PTPRM: variants seen among roughly 807,000 people sequenced by gnomAD.
PTPRM encodes the protein receptor-type tyrosine-protein phosphatase mu.
A neutral mutation model predicts 186.7 loss-of-function variants in PTPRM; 47 were observed. The ratio of observed to expected loss-of-function variants is 0.25; its 90% CI spans 0.20 to 0.32. PTPRM has a LOEUF of 0.32. PTPRM is among the 10% of genes least tolerant of loss of function. The pLI is 1.00. For synonymous variants in PTPRM, 668 were observed against 674.9 expected, an observed-to-expected ratio of 0.99 and a Z score of 0.16; for missense variants, 1,494 against 1,865.0, an observed-to-expected ratio of 0.80 and a Z score of 3.66.
At chr18:8,113,871 T>TA in intron 12 of PTPRM, 112 bp downstream of exon 12, 1 of 1,098,804 alleles carries the variant, frequency 9.1e-7, no homozygotes, top group East Asian at 2.5e-5. Context: ...TTTCTACTTG[T>TA]AAACAAATGT....
At chr18:8,393,858 G>A (rs1257346519) in intron 31 of PTPRM, among the ~76,000 whole-genome samples, 2 of 152,022 alleles carry the variant, frequency 1.3e-5, no homozygotes, top group Non-Finnish European at 2.9e-5. Flanking sequence ...GCACAATCTC[G>A]GCTCACTGCA....
At chr18:7,771,735 T>G (rs1434792723) in intron 1 of PTPRM, among the ~76,000 whole-genome samples, 3 of 152,218 alleles carry the variant, frequency 2.0e-5, no homozygotes, top group African/African-American at 7.2e-5. Flanking sequence ...GCTATCCTGT[T>G]TAACATTGTT....
chr18:7,810,977 G>A (rs1440489156), intron 2 of PTPRM, among the ~76,000 whole-genome samples: 1 of 152,060 alleles, frequency 6.6e-6, no homozygotes, highest in Non-Finnish European at 1.5e-5. Flanking sequence ...TTTTCTGAAC[G>A]ATTGAATACT....
intron 4 of PTPRM, among the ~76,000 whole-genome samples, chr18:7,915,618 A>G (rs2050511088): frequency 6.6e-6 from 1 of 152,168 alleles, no homozygotes; most frequent in Non-Finnish European, 1.5e-5. Flanking sequence ...CAACTTGTTT[A>G]TTCTTTATAT....
At chr18:8,323,995 T>C (rs76592903) in intron 22 of PTPRM, among the ~76,000 whole-genome samples, 4,463 of 152,232 alleles carry the variant, frequency 0.029, 225 homozygotes, top group African/African-American at 0.1. Context: ...GTTATGAACT[T>C]TACTTTGGTC....
intron 7 of PTPRM, among the ~76,000 whole-genome samples, chr18:8,045,504 C>T (rs1164145813): frequency 6.6e-6 from 1 of 152,190 alleles, no homozygotes; most frequent in Non-Finnish European, 1.5e-5. Context: ...GTGAAGTCTG[C>T]TACATGCTAC....
chr18:8,378,326 T>C lies in PTPRM; in HGVS notation c.3524T>C (p.Val1175Ala), dbSNP rs745928508. ...LEACLCGDTS[V>A]PASQVRSLYY... is the part of the protein sequence containing the mutation. ...GCCTGTCTTTGTGGGGACACCTCTG[T>C]GCCTGCTTCCCAAGTTAGGTCTCTG... The change falls in exon 27 of 33, where the codon GTG (valine) becomes GCG (alanine). Residue 1175 changes from valine to alanine, a missense_variant. By Grantham distance (64) the Val-to-Ala change is moderately conservative. Around this residue, in one of 3 missense-constraint regions of PTPRM, gnomAD observed 1,107 missense variants for 1,350.2 expected, o/e 0.82. Coordinates refer to ENST00000580170, the MANE Select transcript of PTPRM (RefSeq NM_001105244.2). 4 of 1,613,218 alleles carry C rather than the reference T, an allele frequency of 2.5e-6. No homozygotes were observed. The South Asian group carries it at 3.3e-5, about 13-fold the overall frequency.
intron 14 of PTPRM, among the ~76,000 whole-genome samples, chr18:8,172,709 A>AG (rs1491219851): frequency 5.6e-4 from 82 of 147,352 alleles, no homozygotes; most frequent in Non-Finnish European, 1.0e-3. Flanking sequence ...AAAAAAAAAA[A>AG]GAAAAAAAAA....
At chr18:7,783,609 T>C (rs927845352) in intron 2 of PTPRM, among the ~76,000 whole-genome samples, 2 of 152,174 alleles carry the variant, frequency 1.3e-5, no homozygotes, top group Admixed American at 1.3e-4. Flanking sequence ...TCTTGCTTTG[T>C]TGCCTGTGTT....
intron 7 of PTPRM, among the ~76,000 whole-genome samples, chr18:8,029,108 G>T (rs796864498): frequency 1.3e-5 from 2 of 152,122 alleles, no homozygotes; most frequent in Admixed American, 6.5e-5. Context: ...ATTCATATGG[G>T]TTCTCTCACC....
chr18:7,778,249 TA>T (rs1340267001), intron 2 of PTPRM, among the ~76,000 whole-genome samples: 1 of 152,126 alleles, frequency 6.6e-6, no homozygotes, highest in Non-Finnish European at 1.5e-5. Context: ...AATACATATT[TA>T]GGGGGAATAA....
At chr18:7,783,252 C>G (rs1475991174) in intron 2 of PTPRM, among the ~76,000 whole-genome samples, 1 of 152,140 alleles carries the variant, frequency 6.6e-6, no homozygotes, top group Non-Finnish European at 1.5e-5. Context: ...AAAATATCCA[C>G]CGAGGATTCA....
chr18:8,336,998 A>G (rs930442092), intron 22 of PTPRM, among the ~76,000 whole-genome samples: 2 of 152,138 alleles, frequency 1.3e-5, no homozygotes, highest in South Asian at 2.1e-4. Context: ...ATACATTTTA[A>G]AAAGAAAGAA....
chr18:8,226,124 A>G (rs958946773), intron 14 of PTPRM, among the ~76,000 whole-genome samples: 4 of 146,414 alleles, frequency 2.7e-5, no homozygotes, highest in Non-Finnish European at 6.0e-5. Flanking sequence ...TGTAACAGAT[A>G]GCAAATGTTG....
intron 5 of PTPRM, among the ~76,000 whole-genome samples, chr18:7,929,268 A>G (rs1404218029): frequency 6.6e-6 from 1 of 152,004 alleles, no homozygotes; most frequent in Non-Finnish European, 1.5e-5. Flanking sequence ...TTTGACCCCA[A>G]CGTTTAATTT....
intron 14 of PTPRM, among the ~76,000 whole-genome samples, chr18:8,170,160 A>G (rs2093377135): frequency 1.3e-5 from 2 of 152,186 alleles, no homozygotes; most frequent in Admixed American, 6.5e-5. Context: ...GATGTCAGCT[A>G]TGCTAAAGTC....
At chr18:8,190,226 T>C (rs1271983584) in intron 14 of PTPRM, among the ~76,000 whole-genome samples, 1 of 152,212 alleles carries the variant, frequency 6.6e-6, no homozygotes, top group East Asian at 1.9e-4. Flanking sequence ...AAATTATTCT[T>C]CTTGTCTAAC....
intron 14 of PTPRM, 148 bp from the exon 15 acceptor site, chr18:8,243,910 C>A: frequency 2.8e-6 from 2 of 720,470 alleles, no homozygotes; most frequent in Non-Finnish European, 4.3e-6. Context: ...TGGCAGAGTG[C>A]TTGCCACAAA....
intron 14 of PTPRM, among the ~76,000 whole-genome samples, chr18:8,231,866 A>G (rs532264720): frequency 4.6e-5 from 7 of 151,892 alleles, no homozygotes; most frequent in Admixed American, 3.9e-4. Context: ...CCCCCTGCCA[A>G]CACACACACA....
Sources: gnomAD v4.1 joint callset for allele counts (sites outside exome capture counted in the v4.1 genomes callset) on GRCh38, gnomAD v4.1.1 for gene constraint, gnomAD v4.1.1 regional missense constraint, MANE v1.5 for transcripts, NCBI Gene and HGNC (gene_info 2026-07-23, HGNC 2026-07-21) for gene names.